Variants in TMCC1 observed in about 807,000 individuals in gnomAD.
TMCC1 encodes transmembrane and coiled-coil domain family 1.
Under a neutral mutation model 52.4 loss-of-function variants are expected in TMCC1, and 15 were observed. The ratio of observed to expected loss-of-function variants is 0.29; its 90% CI spans 0.19 to 0.44. The LOEUF (loss-of-function observed/expected upper bound fraction) is 0.44. TMCC1 is among the 20% of genes least tolerant of loss of function. The pLI is 1.00. For missense variants in TMCC1, 503 were observed against 806.0 expected, an observed-to-expected ratio of 0.62 and a Z score of 4.55; for synonymous variants, 279 against 301.9, an observed-to-expected ratio of 0.92 and a Z score of 0.79.
intron 2 of TMCC1, among the ~76,000 whole-genome samples, chr3:129,862,572 A>C (rs998768311): frequency 6.6e-6 from 1 of 152,230 alleles, no homozygotes; most frequent in Non-Finnish European, 1.5e-5. Flanking sequence ...AACTTTGAAA[A>C]GATTCACGCA....
chr3:129,865,746 A>G (rs769129446), intron 2 of TMCC1, among the ~76,000 whole-genome samples: 4 of 152,218 alleles, frequency 2.6e-5, no homozygotes, highest in Admixed American at 6.5e-5. Flanking sequence ...AAGAAATTAA[A>G]GAAAACCCCA....
At chr3:129,833,273 G>A (rs2059004178) in intron 2 of TMCC1, among the ~76,000 whole-genome samples, 2 of 151,946 alleles carry the variant, frequency 1.3e-5, no homozygotes, top group South Asian at 4.2e-4. Context: ...TCTATTCAAA[G>A]GCAATTCTAA....
chr3:129,821,179 G>A (rs1362112184), intron 4 of TMCC1, among the ~76,000 whole-genome samples: 2 of 152,118 alleles, frequency 1.3e-5, no homozygotes, highest in East Asian at 3.8e-4. Context: ...CTAAGTACAT[G>A]ATAAAAGCTA....
intron 4 of TMCC1, among the ~76,000 whole-genome samples, chr3:129,796,186 C>T (rs189026310): frequency 1.0e-3 from 157 of 152,284 alleles, no homozygotes; most frequent in African/African-American, 3.4e-3. Flanking sequence ...ATACATACCA[C>T]TGTATTAAAA....
chr3:129,716,834 G>A (rs2049148266), intron 4 of TMCC1, among the ~76,000 whole-genome samples: 3 of 152,130 alleles, frequency 2.0e-5, no homozygotes, highest in Admixed American at 2.0e-4. Flanking sequence ...CAGGAGGCCT[G>A]TATTTCTTCC....
chr3:129,892,694 T>A (rs1398747170), intron 1 of TMCC1: 5 of 152,016 alleles, frequency 3.3e-5, no homozygotes, highest in African/African-American at 7.3e-5. Context: ...ACAGCTCAAG[T>A]GGGCTGCTTC....
chr3:129,678,685 A>G (rs941894181), intron 4 of TMCC1, among the ~76,000 whole-genome samples: 3 of 152,068 alleles, frequency 2.0e-5, no homozygotes, highest in Non-Finnish European at 4.4e-5. Context: ...TTATAGTAAC[A>G]CTATGGAATG....
At chr3:129,746,315 C>T (rs535533562) in intron 4 of TMCC1, among the ~76,000 whole-genome samples, 3 of 151,156 alleles carry the variant, frequency 2.0e-5, no homozygotes, top group Admixed American at 6.6e-5. Context: ...GGACTACAGG[C>T]GTGCGCCACC....
intron 4 of TMCC1, among the ~76,000 whole-genome samples, chr3:129,726,111 A>G (rs540438473): frequency 6.6e-6 from 1 of 152,298 alleles, no homozygotes; most frequent in Admixed American, 6.5e-5. Context: ...AGGCATTAAT[A>G]TGGAACAAAA....
intron 4 of TMCC1, among the ~76,000 whole-genome samples, chr3:129,812,993 T>A (rs1013035401): frequency 1.3e-5 from 2 of 152,178 alleles, no homozygotes; most frequent in Non-Finnish European, 2.9e-5. Context: ...CATTAAAAAG[T>A]GGGCAAACGA....
chr3:129,832,648 T>TATATA (rs1223532836), intron 3 of TMCC1, 126 bp downstream of exon 3: 1 of 152,246 alleles, frequency 6.6e-6, no homozygotes, highest in Non-Finnish European at 1.5e-5. Flanking sequence ...AATTGCTTTG[T>TATATA]CTTTTTTTCC....
At chr3:129,792,773 A>G (rs2056564775) in intron 4 of TMCC1, among the ~76,000 whole-genome samples, 1 of 152,218 alleles carries the variant, frequency 6.6e-6, no homozygotes, top group African/African-American at 2.4e-5. Context: ...CAAATGAGCA[A>G]TAAGGGTACC....
chr3:129,760,454 C>CTGTGTG (rs61394124), intron 4 of TMCC1, among the ~76,000 whole-genome samples: 36,350 of 128,752 alleles, frequency 0.28, 7,104 homozygotes, highest in Non-Finnish European at 0.38. Flanking sequence ...CAGTCTCGCT[C>CTGTGTG]TGTGTGTGTG....
At chr3:129,789,498 T>C (rs2056296880) in intron 4 of TMCC1, among the ~76,000 whole-genome samples, 1 of 152,220 alleles carries the variant, frequency 6.6e-6, no homozygotes, top group Non-Finnish European at 1.5e-5. Flanking sequence ...TCTTTTTTTT[T>C]GAGACGGAGT....
At chr3:129,682,219 A>G (rs1279036445) in intron 4 of TMCC1, among the ~76,000 whole-genome samples, 1 of 151,882 alleles carries the variant, frequency 6.6e-6, no homozygotes, top group African/African-American at 2.4e-5. Flanking sequence ...GTAGATTCAA[A>G]CTCCTGGCCT....
Position 129,651,944 on chromosome 3 carries a change from T to C in TMCC1, c.1648-149A>G, listed in dbSNP as rs1316159675. On this transcript the variant is annotated intron_variant, in intron 6 of 6. Transcript: ENST00000393238. The surrounding 1 kb of genome is among the most constrained non-coding windows in gnomAD (Gnocchi z 5.1). ...CCTTGAATGAATGTAAAAGGCTAGATGTATAACTCACTATTCAAGTGATTA... is the reference window on the plus strand; with the variant it reads ...CCTTGAATGAATGTAAAAGGCTAGACGTATAACTCACTATTCAAGTGATTA... 1.2e-5 allele frequency: 11 copies of C among 919,128 alleles called. No homozygotes were observed. The highest frequency in any genetic ancestry group is 1.0e-4 in the African/African-American group (6 of 59,720). 56.9% of individuals were successfully genotyped at this position (919,128 alleles called of 1,614,324 possible). A position where few individuals can be genotyped will look rare whatever the true frequency, so the allele number is the denominator to read the frequency against.
At chr3:129,708,044 G>A (rs2048376801) in intron 4 of TMCC1, among the ~76,000 whole-genome samples, 1 of 152,090 alleles carries the variant, frequency 6.6e-6, no homozygotes, top group Non-Finnish European at 1.5e-5. Context: ...AAAATTACTA[G>A]TAATTTAGTG....
At chr3:129,714,653 T>C (rs1052660203) in intron 4 of TMCC1, among the ~76,000 whole-genome samples, 3 of 152,174 alleles carry the variant, frequency 2.0e-5, no homozygotes, top group Non-Finnish European at 4.4e-5. Context: ...AATCAGGGTA[T>C]AATTAAAAAG....
chr3:129,695,815 A>AT (rs1205488851), intron 4 of TMCC1, among the ~76,000 whole-genome samples: 2 of 152,222 alleles, frequency 1.3e-5, no homozygotes, highest in Admixed American at 1.3e-4. Flanking sequence ...CTAAGCTCTG[A>AT]TTTTTGTAAA....
Sources: gnomAD v4.1 joint callset for allele counts (sites outside exome capture counted in the v4.1 genomes callset) on GRCh38, gnomAD v4.1.1 for gene constraint, Gnocchi (gnomAD v3.1) non-coding constraint, MANE v1.5 for transcripts, NCBI Gene and HGNC (gene_info 2026-07-23, HGNC 2026-07-21) for gene names.